TEN1: variants seen among roughly 807,000 people sequenced by gnomAD.
TEN1 encodes the protein CST complex subunit TEN1.
A neutral mutation model predicts 9.3 loss-of-function variants in TEN1; 6 were observed. That is an observed-to-expected ratio of 0.65 (90% CI 0.35 to 1.27). The LOEUF is 1.27. Ranked by LOEUF, TEN1 falls within the 50% of genes most tolerant of loss-of-function variation. The pLI, the probability that TEN1 is intolerant of heterozygous loss-of-function variation, is 0.03. For missense variants in TEN1, 149 were observed against 158.2 expected, an observed-to-expected ratio of 0.94 and a Z score of 0.31; for synonymous variants, 65 against 65.6, an observed-to-expected ratio of 0.99 and a Z score of 0.04.
chr17:75,991,716 C>A, intron 3 of TEN1, 93 bp downstream of exon 3: 2 of 1,375,592 alleles, frequency 1.5e-6, no homozygotes, highest in Non-Finnish European at 2.0e-6. Context: ...CGTGACCCAA[C>A]AGCAATGTCT....
chr17:75,993,923 G>C (rs2066202711), intron 3 of TEN1, among the ~76,000 whole-genome samples: 1 of 151,950 alleles, frequency 6.6e-6, no homozygotes, highest in African/African-American at 2.4e-5. Flanking sequence ...TTGAACCCGG[G>C]AGGCGGAGGA....
intron 2 of TEN1, among the ~76,000 whole-genome samples, chr17:75,987,777 C>T (rs970022038): frequency 6.6e-6 from 1 of 151,542 alleles, no homozygotes; most frequent in Non-Finnish European, 1.5e-5. Context: ...ATTAGCCGGG[C>T]TTGGTGGTGG....
chr17:76,000,232 G>A lies in TEN1; in HGVS notation c.342G>A (p.Leu114=), dbSNP rs1422220757. ...AACAAGCCATCCGGGAGCAGAGACT[G>A]TACAAGCAGGAGCGGGGCGGCAGCC... ...LLEQAIREQR[L]YKQERGGSQ is the part of the protein sequence containing the mutation. Residue 114 remains leucine (L), a synonymous_variant, in exon 4 of 4, where the codon CTG becomes CTA. Coordinates refer to ENST00000397640, the MANE Select transcript of TEN1 (RefSeq NM_001113324.3). The surrounding 1 kb of genome is among the most constrained non-coding windows in gnomAD (Gnocchi z 5.9). The A allele has an allele frequency of 6.4e-7, 1 of 1,551,340 alleles. No individual in the cohort carries two copies. The highest frequency in any genetic ancestry group is 1.2e-5 in the South Asian group (1 of 84,062).
rs148112630 is a variant in TEN1 at position 75,981,993 on chromosome 17, T to C, written c.-7+2482T>C. On this transcript the variant is annotated intron_variant, in intron 1 of 3. Coordinates refer to ENST00000397640, the MANE Select transcript of TEN1 (RefSeq NM_001113324.3). ...AGTGAGCCGAGATTGCACCACTGCATTCCAGCCTGGGCGACAGAGTGAGAC... is the reference window on the plus strand; with the variant it reads ...AGTGAGCCGAGATTGCACCACTGCACTCCAGCCTGGGCGACAGAGTGAGAC... Among the ~76,000 whole-genome samples the C allele has an allele frequency of 3.3e-5, 5 of 152,130 alleles. No individual in the cohort carries two copies. The East Asian group carries it at 5.8e-4, about 18-fold the overall frequency.
chr17:75,995,749 G>C (rs374260016), intron 3 of TEN1, among the ~76,000 whole-genome samples: 3 of 152,312 alleles, frequency 2.0e-5, no homozygotes, highest in South Asian at 4.1e-4. Flanking sequence ...CCCTTGCCAT[G>C]CATCCTCTGC....
chr17:75,979,566 CCTGCACT>C, intron 1 of TEN1, 55 bp downstream of exon 1: 1 of 264,738 alleles, frequency 3.8e-6, no homozygotes, highest in Non-Finnish European at 7.5e-6. Flanking sequence ...AGGGATTGCG[CCTGCACT>C]TGCCCCCCTC....
intron 1 of TEN1, among the ~76,000 whole-genome samples, chr17:75,985,452 G>A (rs1210885330): frequency 6.6e-6 from 1 of 151,564 alleles, no homozygotes; most frequent in Non-Finnish European, 1.5e-5. Flanking sequence ...CTGGCCTAAT[G>A]TTTTAATTTT....
chr17:75,993,726 G>A (rs946450335), intron 3 of TEN1, among the ~76,000 whole-genome samples: 2 of 152,162 alleles, frequency 1.3e-5, no homozygotes, highest in Non-Finnish European at 2.9e-5. Flanking sequence ...GCTGGGCGCC[G>A]TGGCTCACGC....
chr17:75,999,423 A>G (rs552975128), intron 3 of TEN1, among the ~76,000 whole-genome samples: 18 of 151,928 alleles, frequency 1.2e-4, no homozygotes, highest in African/African-American at 3.6e-4. Context: ...GCTCACTGCA[A>G]CCTCCACCTC....
intron 3 of TEN1, among the ~76,000 whole-genome samples, chr17:75,992,345 C>T (rs1005190609): frequency 1.3e-5 from 2 of 151,702 alleles, no homozygotes; most frequent in Non-Finnish European, 2.9e-5. Context: ...GCTCCCACCT[C>T]AGCCTCCTGA....
intron 3 of TEN1, among the ~76,000 whole-genome samples, chr17:75,996,601 G>A (rs1293084567): frequency 2.0e-5 from 3 of 150,996 alleles, no homozygotes; most frequent in African/African-American, 7.3e-5. Context: ...CCCAGCTACT[G>A]GGGAGGCTGA....
At chr17:75,994,594 T>C (rs1485330077) in intron 3 of TEN1, among the ~76,000 whole-genome samples, 3 of 151,312 alleles carry the variant, frequency 2.0e-5, no homozygotes, top group Admixed American at 6.6e-5. Context: ...TCTCCTGCCT[T>C]GGCCTCCTGA....
intron 3 of TEN1, among the ~76,000 whole-genome samples, 185 bp downstream of exon 3, chr17:75,991,808 G>C (rs1394889159): frequency 6.6e-6 from 1 of 152,132 alleles, no homozygotes. Flanking sequence ...TGGCCTCATG[G>C]TGCCAACTCA....
chr17:75,990,445 A>G (rs558585204), intron 2 of TEN1, among the ~76,000 whole-genome samples: 1 of 152,200 alleles, frequency 6.6e-6, no homozygotes, highest in Admixed American at 6.6e-5. Flanking sequence ...TAAGACTGAA[A>G]TGTCTCAAGT....
At chr17:75,996,700 C>A (rs1306584805) in intron 3 of TEN1, among the ~76,000 whole-genome samples, 4 of 107,890 alleles carry the variant, frequency 3.7e-5, no homozygotes, top group Non-Finnish European at 6.9e-5. Context: ...CAGAGTGAGA[C>A]CCTGTCAAAA....
intron 3 of TEN1, among the ~76,000 whole-genome samples, chr17:75,996,760 G>C (rs949837212): frequency 6.6e-6 from 1 of 150,604 alleles, no homozygotes; most frequent in Non-Finnish European, 1.5e-5. Flanking sequence ...GAAAAGAAAA[G>C]AAAGAGAAAA....
intron 3 of TEN1, among the ~76,000 whole-genome samples, chr17:75,998,596 G>A (rs2066231827): frequency 6.6e-6 from 1 of 152,176 alleles, no homozygotes; most frequent in South Asian, 2.1e-4. Flanking sequence ...CTCAGGCTGT[G>A]CTATAAATGA....
intron 3 of TEN1, among the ~76,000 whole-genome samples, chr17:75,993,911 G>T (rs1408766561): frequency 2.0e-5 from 3 of 152,008 alleles, no homozygotes; most frequent in Non-Finnish European, 4.4e-5. Flanking sequence ...CAGGAGAATC[G>T]CTTGAACCCG....
rs1362934082 is a variant in TEN1, at chr17:75,991,619, G to A, written c.246G>A (p.Gln82=). ...LYIVLGELQH[Q]QDRGSVVKAR... Reference sequence around the variant, plus strand: ...TCGTCCTCGGGGAGCTCCAGCATCAGCAGGGTGAGCTGCAGCCTCAGATCC... The same window carrying A: ...TCGTCCTCGGGGAGCTCCAGCATCAACAGGGTGAGCTGCAGCCTCAGATCC... Residue 82 remains glutamine (Q), a synonymous_variant, in exon 3 of 4, where the codon CAG becomes CAA. Coordinates refer to ENST00000397640, the MANE Select transcript of TEN1 (RefSeq NM_001113324.3). 5 of 1,551,220 alleles carry A rather than the reference G, an allele frequency of 3.2e-6. No homozygotes were observed. In the East Asian group the frequency reaches 1.2e-4, roughly 38 times the overall value.
Sources: gnomAD v4.1 joint callset for allele counts (sites outside exome capture counted in the v4.1 genomes callset) on GRCh38, gnomAD v4.1.1 for gene constraint, Gnocchi (gnomAD v3.1) non-coding constraint, MANE v1.5 for transcripts, NCBI Gene and HGNC (gene_info 2026-07-23, HGNC 2026-07-21) for gene names.